DRP2: variants seen among roughly 807,000 people sequenced by gnomAD.
The protein encoded by DRP2 is dystrophin-related protein 2.
A neutral mutation model predicts 78.2 loss-of-function variants in DRP2; 29 were observed. That is an observed-to-expected ratio of 0.37 (90% CI 0.28 to 0.51). The LOEUF (loss-of-function observed/expected upper bound fraction) is 0.51, where lower values mean the gene tolerates loss of function less well. Among genes scored for constraint, DRP2 ranks in the 20% least tolerant of loss-of-function variants. DRP2 has a pLI of 0.94. For synonymous variants in DRP2, 290 were observed against 281.9 expected (o/e 1.03, Z -0.29); for missense variants, 686 against 770.6 (o/e 0.89, Z 1.30).
chrX:101,256,001 C>T (rs1162785650), intron 20 of DRP2, 117 bp from the exon 21 acceptor site: 20 of 939,532 alleles, frequency 2.1e-5, no homozygotes, highest in Admixed American at 3.5e-5. Flanking sequence ...CTTTCCCTCT[C>T]GATGTGACTT....
intron 4 of DRP2, 80 bp from the exon 5 acceptor site, chrX:101,237,539 T>C: frequency 1.0e-6 from 1 of 973,595 alleles, no homozygotes; most frequent in Non-Finnish European, 1.3e-6. Context: ...TAAAGTTCCA[T>C]ATAACTTAGT....
chrX:101,238,974 T>C lies in DRP2; in HGVS notation c.439-7T>C, dbSNP rs369729974. ...TTTCCTGTTGACCATATTGCTAAAC[T>C]TTATAGGCCTTTATGGAAGAAGTCA... On this transcript the variant is annotated splice_region_variant and splice_polypyrimidine_tract_variant and intron_variant, in intron 5 of 23. Coordinates refer to ENST00000395209, the MANE Select transcript of DRP2 (RefSeq NM_001939.3). 5.8e-6 allele frequency: 7 copies of C among 1,207,480 alleles called. No individual in the cohort carries two copies. The highest frequency in any genetic ancestry group is 5.6e-6 in the Non-Finnish European group (5 of 893,656).
In DRP2 at chrX:101,244,961, G is replaced by A. The variant is rs1015411475; in HGVS notation, c.1055-56G>A. 28 of 1,075,646 alleles carry A rather than the reference G, an allele frequency of 2.6e-5. No homozygotes were observed. In the Admixed American group the frequency reaches 5.9e-4, roughly 22 times the overall value. The allele number at this position is 1,075,646 out of a possible 1,213,427, so 88.6% of individuals were successfully genotyped here. A position where few individuals can be genotyped will look rare whatever the true frequency, so the allele number is the denominator to read the frequency against. On this transcript the variant is annotated intron_variant, in intron 9 of 23. Coordinates refer to ENST00000395209, the MANE Select transcript of DRP2 (RefSeq NM_001939.3). ...GAGAATAGAGCAAGGGAGTAGCTGGGGGCCTTAAGAGCATTAGTGGCCAGC... is the reference window on the plus strand; with the variant it reads ...GAGAATAGAGCAAGGGAGTAGCTGGAGGCCTTAAGAGCATTAGTGGCCAGC...
At chrX:101,251,732 C>T (rs1468314335) in intron 16 of DRP2, 1 of 112,006 alleles carries the variant, frequency 8.9e-6, no homozygotes, top group Non-Finnish European at 1.9e-5. Flanking sequence ...TTTTAACAGC[C>T]AACTGTCGTG....
At chrX:101,224,765 G>A (rs1423179224) in intron 2 of DRP2, 59 bp downstream of exon 2, 2 of 112,516 alleles carry the variant, frequency 1.8e-5, no homozygotes, top group African/African-American at 6.5e-5. Flanking sequence ...AGTAAGGTTG[G>A]GGAGCTTGTC....
chrX:101,244,887 C>A, intron 9 of DRP2, 130 bp from the exon 10 acceptor site: 1 of 560,633 alleles, frequency 1.8e-6, no homozygotes. Flanking sequence ...CTGTTAAGAG[C>A]TGGCAATGAA....
Position 101,262,708 on chromosome X carries a change from A to G in DRP2, c.*2087A>G, listed in dbSNP as rs1405457662. ...CTTAGTGTTCATGAGGTCTCTGGGC[A>G]GGAGAACTGGGTATCTGGATAGATG... On this transcript the variant is annotated 3_prime_UTR_variant, in exon 24 of 24. Transcript: ENST00000395209. 2.7e-5 allele frequency: 3 copies of G among 111,465 alleles called. No homozygotes were observed. The highest frequency in any genetic ancestry group is 5.6e-5 in the Non-Finnish European group (3 of 53,118). 9.2% of individuals were successfully genotyped at this position (111,465 alleles called of 1,213,427 possible).
chrX:101,224,282 G>T (rs1432845507), intron 1 of DRP2, among the ~76,000 whole-genome samples: 2 of 88,658 alleles, frequency 2.3e-5, no homozygotes, highest in African/African-American at 8.7e-5. Context: ...CGGCTGGGAG[G>T]CTGAGGCAAG....
At chrX:101,247,447 G>C (rs1922971475) in intron 12 of DRP2, among the ~76,000 whole-genome samples, 1 of 112,010 alleles carries the variant, frequency 8.9e-6, no homozygotes, top group South Asian at 3.7e-4. Context: ...CTTTGTGACA[G>C]GAAGTACTGC....
At position 101,260,712 on chromosome X, in the gene DRP2, A is replaced by G. The variant is rs1186590825; in HGVS notation, c.*91A>G. Reference sequence around the variant, plus strand: ...CCTTCACCCAACCTTTCCAGTTTCCACTGGCCCCACATTCCTCAACTAGTA... The same window carrying G: ...CCTTCACCCAACCTTTCCAGTTTCCGCTGGCCCCACATTCCTCAACTAGTA... On this transcript the variant is annotated 3_prime_UTR_variant, in exon 24 of 24. Coordinates refer to ENST00000395209, the MANE Select transcript of DRP2 (RefSeq NM_001939.3). 1.9e-6 allele frequency: 2 copies of G among 1,072,345 alleles called. No homozygotes were observed. The highest frequency in any genetic ancestry group is 2.5e-6 in the Non-Finnish European group (2 of 803,970). 88.4% of individuals were successfully genotyped at this position (1,072,345 alleles called of 1,213,427 possible).
chrX:101,253,895 C>T (rs769049188), intron 17 of DRP2, among the ~76,000 whole-genome samples: 8 of 111,257 alleles, frequency 7.2e-5, no homozygotes, highest in Non-Finnish European at 1.5e-4. Flanking sequence ...CCTGCTCGTC[C>T]TCTACATCCT....
rs888914921 is a variant in DRP2 at position 101,239,244 on chromosome X, G to C, written c.559+143G>C. The C allele has an allele frequency of 6.1e-6, 5 of 814,221 alleles. No homozygotes were observed. In the African/African-American group the frequency reaches 1.0e-4, roughly 17 times the overall value. 67.1% of individuals were successfully genotyped at this position (814,221 alleles called of 1,213,427 possible). ...TCCCCCAGGAGTCCATCCAAAGTTG[G>C]GGGGAAGCAAGATTCCTACTGCAGG... On this transcript the variant is annotated intron_variant, in intron 6 of 23. Coordinates refer to ENST00000395209, the MANE Select transcript of DRP2 (RefSeq NM_001939.3).
chrX:101,245,687 G>A (rs752839589), intron 11 of DRP2, among the ~76,000 whole-genome samples: 82 of 111,934 alleles, frequency 7.3e-4, no homozygotes, highest in African/African-American at 2.5e-3. Context: ...TCTCATGTAT[G>A]TAAGGAATCT....
intron 11 of DRP2, 122 bp from the exon 12 acceptor site, chrX:101,246,968 G>A (rs907966817): frequency 7.5e-6 from 4 of 529,829 alleles, no homozygotes; most frequent in Non-Finnish European, 1.2e-5. Context: ...CCCCACTCTT[G>A]TTGACACTTG....
chrX:101,237,402 C>G (rs1482755639), intron 4 of DRP2, among the ~76,000 whole-genome samples: 1 of 111,825 alleles, frequency 8.9e-6, no homozygotes, highest in Admixed American at 9.5e-5. Context: ...ATGGTTCTAC[C>G]TACTGGTTTT....
intron 14 of DRP2, among the ~76,000 whole-genome samples, chrX:101,249,651 A>G (rs1026101370): frequency 9.0e-6 from 1 of 111,516 alleles, no homozygotes; most frequent in African/African-American, 3.3e-5. Flanking sequence ...CTATGATTCT[A>G]CAACTAGGCA....
intron 23 of DRP2, 24 bp downstream of exon 23, chrX:101,260,193 G>A (rs1602938619): frequency 1.7e-6 from 2 of 1,206,424 alleles, no homozygotes; most frequent in African/African-American, 3.5e-5. Context: ...GCCTTTCCCA[G>A]CCCCTTTCTC....
chrX:101,246,748 G>T (rs1922947685), intron 11 of DRP2, among the ~76,000 whole-genome samples: 1 of 112,312 alleles, frequency 8.9e-6, no homozygotes, highest in Non-Finnish European at 1.9e-5. Context: ...TGAAATGTTT[G>T]ATTTAGTTAT....
At chrX:101,229,306 G>A (rs1443822400) in intron 2 of DRP2, among the ~76,000 whole-genome samples, 5 of 111,852 alleles carry the variant, frequency 4.5e-5, no homozygotes, top group Non-Finnish European at 9.4e-5. Flanking sequence ...CTTTTGTGGT[G>A]TCTGATCACA....
Sources: gnomAD v4.1 joint callset for allele counts (sites outside exome capture counted in the v4.1 genomes callset) on GRCh38, gnomAD v4.1.1 for gene constraint, MANE v1.5 for transcripts, NCBI Gene and HGNC (gene_info 2026-07-23, HGNC 2026-07-21) for gene names.